Variants in SEMA3A observed in about 807,000 individuals in gnomAD.
The protein encoded by SEMA3A is semaphorin-3A.
SEMA3A carries 29 observed loss-of-function variants against 97.9 expected under a neutral mutation model. The ratio of observed to expected loss-of-function variants is 0.30; its 90% CI spans 0.22 to 0.40. SEMA3A has a LOEUF of 0.40. Ranked by LOEUF, SEMA3A falls within the 10% of genes least tolerant of loss-of-function variation. SEMA3A has a pLI of 1.00. For missense variants in SEMA3A, 763 were observed against 951.3 expected, an observed-to-expected ratio of 0.80 and a Z score of 2.60; for synonymous variants, 321 against 323.7, an observed-to-expected ratio of 0.99 and a Z score of 0.09.
At chr7:84,020,122 T>G (rs1330104919) in intron 6 of SEMA3A, among the ~76,000 whole-genome samples, 7 of 127,632 alleles carry the variant, frequency 5.5e-5, no homozygotes, top group Non-Finnish European at 1.1e-4. Flanking sequence ...CTCGGCCCAC[T>G]GCAACCTCCA....
intron 1 of SEMA3A, among the ~76,000 whole-genome samples, chr7:84,449,298 C>A (rs951124096): frequency 1.3e-5 from 2 of 152,026 alleles, no homozygotes; most frequent in Middle Eastern, 3.2e-3. Flanking sequence ...AATCACTTAT[C>A]CAAGCAGCCA....
intron 2 of SEMA3A, among the ~76,000 whole-genome samples, chr7:84,308,704 G>A (rs1801229994): frequency 6.6e-6 from 1 of 152,162 alleles, no homozygotes; most frequent in South Asian, 2.1e-4. Flanking sequence ...ACATAGCTAG[G>A]AGATTTTAGG....
intron 3 of SEMA3A, among the ~76,000 whole-genome samples, chr7:84,268,103 C>T (rs1332596443): frequency 1.3e-5 from 2 of 152,044 alleles, no homozygotes; most frequent in Admixed American, 1.3e-4. Flanking sequence ...ATCAAGTAGA[C>T]ATAGCACCCA....
chr7:83,982,648 T>C (rs553916793), intron 13 of SEMA3A, among the ~76,000 whole-genome samples: 1 of 152,260 alleles, frequency 6.6e-6, no homozygotes, highest in Non-Finnish European at 1.5e-5. Context: ...TTAGTTTCTC[T>C]AGTATATAAA....
chr7:84,333,124 C>A (rs576169502), intron 2 of SEMA3A, among the ~76,000 whole-genome samples: 1 of 152,102 alleles, frequency 6.6e-6, no homozygotes, highest in Non-Finnish European at 1.5e-5. Context: ...TGAAAAATGA[C>A]AATTGTAACT....
At chr7:84,332,499 C>T (rs990065794) in intron 2 of SEMA3A, among the ~76,000 whole-genome samples, 2 of 152,056 alleles carry the variant, frequency 1.3e-5, no homozygotes, top group African/African-American at 4.8e-5. Context: ...TACTATAAGT[C>T]TACACTTACA....
chr7:84,364,108 T>C (rs890680428), intron 2 of SEMA3A, among the ~76,000 whole-genome samples: 1 of 144,620 alleles, frequency 6.9e-6, no homozygotes, highest in Non-Finnish European at 1.5e-5. Context: ...TGATTTATTA[T>C]AGTTGTTAAA....
intron 5 of SEMA3A, among the ~76,000 whole-genome samples, chr7:84,054,226 A>G (rs367800570): frequency 3.3e-5 from 5 of 152,348 alleles, no homozygotes; most frequent in African/African-American, 7.2e-5. Context: ...TCTTTGTGGC[A>G]TTCTCTATAT....
chr7:83,977,246 CT>C (rs1789188169), intron 14 of SEMA3A, 50 bp from the exon 15 acceptor site: 1 of 1,107,560 alleles, frequency 9.0e-7, no homozygotes, highest in Non-Finnish European at 1.3e-6. Flanking sequence ...TTTTTCCCTT[CT>C]AGGAATTTGT....
intron 15 of SEMA3A, among the ~76,000 whole-genome samples, chr7:83,964,717 AAT>A (rs1167415628): frequency 1.3e-5 from 2 of 152,204 alleles, no homozygotes; most frequent in Non-Finnish European, 2.9e-5. Context: ...TGAAAAGATC[AAT>A]GCCCTGGAAA....
At chr7:84,348,909 G>A (rs1360114446) in intron 2 of SEMA3A, among the ~76,000 whole-genome samples, 1 of 96,142 alleles carries the variant, frequency 1.0e-5, no homozygotes, top group South Asian at 3.4e-4. Flanking sequence ...GCTTGAAACC[G>A]GGTGGCGGAG....
chr7:83,992,557 T>C (rs1381859334), intron 12 of SEMA3A, among the ~76,000 whole-genome samples: 3 of 152,064 alleles, frequency 2.0e-5, no homozygotes, highest in African/African-American at 4.8e-5. Context: ...TCTTTATGTC[T>C]GCCTTCATTT....
chr7:84,328,223 T>A (rs963287361), intron 2 of SEMA3A, among the ~76,000 whole-genome samples: 2 of 152,024 alleles, frequency 1.3e-5, no homozygotes, highest in African/African-American at 4.8e-5. Context: ...TCAGTTATTA[T>A]TTATGGCAGA....
At chr7:84,185,517 T>A (rs772352454) in intron 1 of SEMA3A, among the ~76,000 whole-genome samples, 2 of 149,186 alleles carry the variant, frequency 1.3e-5, no homozygotes, top group Admixed American at 6.7e-5. Context: ...ACTAAAAAAA[T>A]TTAAAAAATA....
intron 4 of SEMA3A, among the ~76,000 whole-genome samples, chr7:84,067,026 A>G (rs1249096880): frequency 6.6e-6 from 1 of 152,154 alleles, no homozygotes; most frequent in Non-Finnish European, 1.5e-5. Flanking sequence ...AAACTATACT[A>G]CAAGGCTACA....
chr7:84,247,428 C>T (rs190208767), intron 3 of SEMA3A, among the ~76,000 whole-genome samples: 1 of 152,134 alleles, frequency 6.6e-6, no homozygotes, highest in Admixed American at 6.6e-5. Flanking sequence ...AGTAGGCTCC[C>T]TCTCTGTCTG....
chr7:84,263,304 A>G (rs1279938216), intron 3 of SEMA3A, among the ~76,000 whole-genome samples: 2 of 152,224 alleles, frequency 1.3e-5, no homozygotes, highest in African/African-American at 4.8e-5. Context: ...AAGTCCCAGT[A>G]ACTCCCACTT....
chr7:83,983,895 T>C (rs1429194353), intron 13 of SEMA3A, among the ~76,000 whole-genome samples: 1 of 152,134 alleles, frequency 6.6e-6, no homozygotes, highest in Non-Finnish European at 1.5e-5. Flanking sequence ...GCAACACTAC[T>C]TGTCCCTCTT....
chr7:84,356,842 T>C (rs1042977510), intron 2 of SEMA3A, among the ~76,000 whole-genome samples: 3 of 151,846 alleles, frequency 2.0e-5, no homozygotes, highest in Non-Finnish European at 4.4e-5. Context: ...ACATTATGAA[T>C]CGTGGTTTAA....
Sources: allele counts gnomAD v4.1 joint callset (sites outside exome capture counted in the v4.1 genomes callset), GRCh38; gene constraint gnomAD v4.1.1; transcripts MANE v1.5; gene names NCBI Gene and HGNC (gene_info 2026-07-23, HGNC 2026-07-21).